PCF11: variants seen among roughly 807,000 people sequenced by gnomAD.
PCF11 encodes PCF11 cleavage and polyadenylation factor subunit, also known as pre-mRNA cleavage complex 2 protein Pcf11.
In PCF11, 19 loss-of-function variants were observed where a neutral mutation model predicts 166.1. The ratio of observed to expected loss-of-function variants is 0.11; its 90% CI spans 0.08 to 0.17. The LOEUF (loss-of-function observed/expected upper bound fraction) is 0.17, where lower values mean the gene tolerates loss of function less well. Ranked by LOEUF, PCF11 falls within the 10% of genes least tolerant of loss-of-function variation. PCF11 has a pLI of 1.00. For synonymous variants in PCF11, 663 were observed against 644.1 expected (o/e 1.03, Z -0.44); for missense variants, 1,565 against 1,855.5 (o/e 0.84, Z 2.88).
chr11:83,170,820 A>C (rs1860662660), intron 8 of PCF11, among the ~76,000 whole-genome samples: 1 of 152,228 alleles, frequency 6.6e-6, no homozygotes. Flanking sequence ...GAAAATACAA[A>C]ATAAGAAAGA....
intron 7 of PCF11, 128 bp downstream of exon 7, chr11:83,168,026 T>C (rs999505884): frequency 1.0e-5 from 8 of 765,190 alleles, no homozygotes; most frequent in African/African-American, 3.7e-5. Flanking sequence ...TATTTTGTTA[T>C]GTTTTTTCCC....
exon 16 of PCF11, chr11:83,184,747 G>T: frequency 1.2e-6 from 2 of 1,611,300 alleles, no homozygotes; most frequent in Non-Finnish European, 1.7e-6. Flanking sequence ...ATATTATGTT[G>T]AACATTGTCA....
chr11:83,168,735 A>G, exon 8 of PCF11: 1 of 1,613,802 alleles, frequency 6.2e-7, no homozygotes, highest in Non-Finnish European at 8.5e-7. Context: ...AAATGGGGGG[A>G]GGAGGCCCTT....
intron 9 of PCF11, among the ~76,000 whole-genome samples, chr11:83,173,963 A>C (rs1026285911): frequency 1.3e-5 from 2 of 151,990 alleles, no homozygotes; most frequent in African/African-American, 4.8e-5. Context: ...TCCTGACCTC[A>C]GGTGATCCAC....
chr11:83,168,855 A>G (rs1402740904), exon 8 of PCF11: 3 of 1,612,884 alleles, frequency 1.9e-6, no homozygotes, highest in Non-Finnish European at 2.5e-6. Context: ...CAATTGGTCA[A>G]GCAGGAGGAG....
In PCF11 at chr11:83,167,998, A is replaced by G; in HGVS notation, c.2093-430A>G. The G allele has an allele frequency of 1.1e-6, 1 of 929,034 alleles. No homozygotes were observed. 57.5% of individuals were successfully genotyped at this position (929,034 alleles called of 1,614,324 possible). Reference sequence around the variant, plus strand: ...ATGGATTTTTGTGACTGTTCAGATTACCATTTTTTTTCCCATTTATTTTGT... The same window carrying G: ...ATGGATTTTTGTGACTGTTCAGATTGCCATTTTTTTTCCCATTTATTTTGT... On this transcript the variant is annotated intron_variant, in intron 7 of 15. Coordinates refer to ENST00000298281, the Ensembl canonical transcript of PCF11. This position sits in a 1 kb window ranked among gnomAD's most constrained non-coding sequence, Gnocchi z 4.2.
chr11:83,180,453 C>T (rs1336784969), intron 11 of PCF11: 1 of 151,756 alleles, frequency 6.6e-6, no homozygotes, highest in African/African-American at 2.4e-5. Flanking sequence ...TCTATATATA[C>T]CTGTTTCTTC....
intron 4 of PCF11, among the ~76,000 whole-genome samples, chr11:83,165,009 T>C (rs1291064323): frequency 2.0e-5 from 3 of 152,190 alleles, no homozygotes; most frequent in Non-Finnish European, 4.4e-5. Context: ...GGTAGGCATG[T>C]TGTGGCAAAT....
exon 1 of PCF11, chr11:83,157,574 G>C: frequency 6.2e-7 from 1 of 1,614,022 alleles, no homozygotes; most frequent in Non-Finnish European, 8.5e-7. Flanking sequence ...TTCTAGCCGA[G>C]GAGAACCTGC....
intron 12 of PCF11, 110 bp from the exon 13 acceptor site, chr11:83,181,744 A>T: frequency 1.7e-6 from 1 of 585,028 alleles, no homozygotes; most frequent in Non-Finnish European, 2.8e-6. Context: ...ATATTAGAGC[A>T]TAATGTAGAA....
chr11:83,166,555 G>A (rs763612499), exon 5 of PCF11: 5 of 1,613,832 alleles, frequency 3.1e-6, no homozygotes, highest in Non-Finnish European at 4.2e-6. Context: ...CAGGATATTC[G>A]GGATCCAAGG....
exon 16 of PCF11, chr11:83,186,896 T>G (rs893272821): frequency 1.3e-5 from 2 of 152,154 alleles, no homozygotes; most frequent in Non-Finnish European, 2.9e-5. Context: ...GTATGGAACA[T>G]TCTAAAAGGA....
At chr11:83,158,595 A>G (rs901677525) in intron 1 of PCF11, 1 of 152,130 alleles carries the variant, frequency 6.6e-6, no homozygotes, top group Admixed American at 6.5e-5. Context: ...TTACTGTTCA[A>G]CTTAGTTACA....
exon 16 of PCF11, chr11:83,186,830 T>G (rs192227232): frequency 6.6e-5 from 10 of 152,300 alleles, no homozygotes; most frequent in Non-Finnish European, 1.3e-4. Flanking sequence ...TAGGCAAAAC[T>G]TCCTGTTGAA....
intron 1 of PCF11, among the ~76,000 whole-genome samples, chr11:83,160,802 G>A (rs909545394): frequency 6.6e-6 from 1 of 152,120 alleles, no homozygotes; most frequent in Non-Finnish European, 1.5e-5. Flanking sequence ...CCTAGGTGAA[G>A]TGTTTTTAAT....
chr11:83,161,517 T>G, intron 2 of PCF11, 65 bp downstream of exon 2: 2 of 1,291,782 alleles, frequency 1.5e-6, no homozygotes. Context: ...TAAATAAATA[T>G]TTGCTTTGTG....
chr11:83,170,212 G>A (rs1860637678), intron 8 of PCF11, among the ~76,000 whole-genome samples: 1 of 152,046 alleles, frequency 6.6e-6, no homozygotes, highest in Admixed American at 6.6e-5. Context: ...AGGATCTAGG[G>A]AAATATCTCA....
At chr11:83,162,963 G>A (rs938769174) in intron 2 of PCF11, among the ~76,000 whole-genome samples, 1 of 152,068 alleles carries the variant, frequency 6.6e-6, no homozygotes, top group Non-Finnish European at 1.5e-5. Context: ...TAGTAAAGAC[G>A]GGGTTTCACC....
In PCF11 at chr11:83,181,861, T is replaced by C. The variant is rs1162150380; in HGVS notation, c.4175T>C (p.Ile1392Thr). 1.1e-5 allele frequency: 18 copies of C among 1,602,722 alleles called. No individual in the cohort carries two copies. The highest frequency in any genetic ancestry group is 1.3e-5 in the Non-Finnish European group (15 of 1,175,960). ...AAATCAACTCCTTTTAAGGACTGGA[T>C]AGAATTTGAGGAGATAGCTGATCTG... is the stretch of plus-strand genomic sequence containing the variant. Residue 1392 changes from isoleucine to threonine, a missense_variant, in exon 13 of 16, where the codon ATA becomes ACA. Ile to Thr is a moderately conservative substitution (Grantham distance 89). Coordinates refer to ENST00000298281, the Ensembl canonical transcript of PCF11.
Sources: gnomAD v4.1 joint callset for allele counts (sites outside exome capture counted in the v4.1 genomes callset) on GRCh38, gnomAD v4.1.1 for gene constraint, Gnocchi (gnomAD v3.1) non-coding constraint, MANE v1.5 for transcripts, NCBI Gene and HGNC (gene_info 2026-07-23, HGNC 2026-07-21) for gene names.